The following EBF4 variants were observed in gnomAD, a reference collection of about 807,000 sequenced individuals.
EBF4 encodes the protein EBF transcription factor 4.
A neutral mutation model predicts 67.1 loss-of-function variants in EBF4; 34 were observed. That is an observed-to-expected ratio of 0.51 (90% CI 0.39 to 0.67). The LOEUF (loss-of-function observed/expected upper bound fraction) is 0.67, where lower values mean the gene tolerates loss of function less well. Among genes scored for constraint, EBF4 ranks in the 30% least tolerant of loss-of-function variants. The pLI is 0.00. For missense variants in EBF4, 837 were observed against 873.3 expected (o/e 0.96, Z 0.52); for synonymous variants, 387 against 377.7 (o/e 1.02, Z -0.29).
Position 2,709,922 on chromosome 20 carries a change from A to T in EBF4, c.557+280A>T, listed in dbSNP as rs1398550591. 2.1e-4 allele frequency among the ~76,000 whole-genome samples: 21 copies of T among 99,288 alleles called. No individual in the cohort carries two copies. In the East Asian group the frequency reaches 5.8e-3, roughly 27 times the overall value. 65.1% of individuals were successfully genotyped at this position (99,288 alleles called of 152,430 possible). ...CAGGGAGGTTGAGAGGGGGGTGGGA[A>T]GGGAGGGGAGGAACCAGCACTCAGG... On this transcript the variant is annotated intron_variant, in intron 6 of 16. Coordinates refer to ENST00000609451, the Ensembl canonical transcript of EBF4.
rs1436111869 is a variant in EBF4 at position 2,751,961 on chromosome 20, C to G, written c.1147C>G (p.Leu383Val). 7 of 1,548,842 alleles carry G rather than the reference C, an allele frequency of 4.5e-6. No individual in the cohort carries two copies. Among genetic ancestry groups the G allele is most frequent in the African/African-American group, 1.4e-5 (1 of 73,012 alleles). Reference sequence around the variant, plus strand: ...GCGGGCGGCCGACTTGGCAGAAGCCCTGTACGGAGTGCCCGGCAGTAACCA... The same window carrying G: ...GCGGGCGGCCGACTTGGCAGAAGCCGTGTACGGAGTGCCCGGCAGTAACCA... Residue 383 changes from leucine to valine, a missense_variant, in exon 12 of 17, where the codon CTG becomes GTG. By Grantham distance (32) the Leu-to-Val change is conservative. Transcript: ENST00000609451. The surrounding 1 kb of genome is among the most constrained non-coding windows in gnomAD (Gnocchi z 5.2).
intron 6 of EBF4, among the ~76,000 whole-genome samples, chr20:2,732,763 A>C (rs879313595): frequency 1.3e-5 from 2 of 152,078 alleles, no homozygotes; most frequent in African/African-American, 2.4e-5. Context: ...CTGATAGAAC[A>C]GGATTTATGT....
intron 6 of EBF4, among the ~76,000 whole-genome samples, chr20:2,730,572 G>A (rs1046759579): frequency 3.3e-5 from 5 of 152,174 alleles, no homozygotes; most frequent in African/African-American, 1.2e-4. Context: ...GGGGGTTGGG[G>A]TGAGGCAACA....
Position 2,693,773 on chromosome 20 carries a change from C to G in EBF4, c.128C>G (p.Ala43Gly). The change falls in exon 1 of 17, where the codon GCG (alanine) becomes GGG (glycine). Residue 43 changes from alanine (A) to glycine (G), a missense_variant. Ala to Gly is a moderately conservative substitution (Grantham distance 60). This residue lies in a region of EBF4 where 86 missense variants were observed against 70.3 expected (regional missense o/e 1.22). Coordinates refer to ENST00000609451, the Ensembl canonical transcript of EBF4. The surrounding 1 kb of genome is among the most constrained non-coding windows in gnomAD (Gnocchi z 4.6). ...GCGGGCATCCTGGACGCCAGCACCG[C>G]GGCGCAGAGGTAAGCGCTCGGACCG... is the stretch of plus-strand genomic sequence containing the variant. The G allele has an allele frequency of 7.5e-7, 1 of 1,333,336 alleles. No homozygotes were observed. Among genetic ancestry groups the G allele is most frequent in the Non-Finnish European group, 9.6e-7 (1 of 1,043,838 alleles). 82.6% of individuals were successfully genotyped at this position (1,333,336 alleles called of 1,614,324 possible). A position where few individuals can be genotyped will look rare whatever the true frequency, so the allele number is the denominator to read the frequency against.
intron 6 of EBF4, among the ~76,000 whole-genome samples, chr20:2,731,822 C>T (rs1396403405): frequency 6.6e-6 from 1 of 152,136 alleles, no homozygotes; most frequent in Non-Finnish European, 1.5e-5. Flanking sequence ...ACTTGATGGG[C>T]CTTGTGCTTC....
In EBF4 at chr20:2,749,537, G is replaced by T; in HGVS notation, c.757+19G>T. Reference sequence around the variant, plus strand: ...TCCGAAGGTCAGGACCCCCGGCCCAGCCCCGGCCGCCGCGGGCCCAGCCAG... The same window carrying T: ...TCCGAAGGTCAGGACCCCCGGCCCATCCCCGGCCGCCGCGGGCCCAGCCAG... On this transcript the variant is annotated intron_variant, in intron 8 of 16. Coordinates refer to ENST00000609451, the Ensembl canonical transcript of EBF4. 1.3e-6 allele frequency: 2 copies of T among 1,540,786 alleles called. No individual in the cohort carries two copies. Among genetic ancestry groups the T allele is most frequent in the East Asian group, 4.9e-5 (2 of 40,636 alleles).
rs1046121820 is a variant in EBF4, at chr20:2,737,048, G to A, written c.558-11501G>A. On this transcript the variant is annotated intron_variant, in intron 6 of 16. Transcript: ENST00000609451. ...GCAGATCACAAGGTCAGGAGATGGA[G>A]ACCATCCTGGCTAACACGGTGAAAC... 9.2e-5 allele frequency among the ~76,000 whole-genome samples: 14 copies of A among 152,160 alleles called. 1 individual carries two copies. The South Asian group carries it at 1.0e-3, about 11-fold the overall frequency.
chr20:2,735,932 A>C (rs1600229131), intron 6 of EBF4, among the ~76,000 whole-genome samples: 1 of 152,268 alleles, frequency 6.6e-6, no homozygotes, highest in African/African-American at 2.4e-5. Context: ...AGGCTTGAAG[A>C]CCACACTATC....
At chr20:2,737,029 C>T (rs1303843617) in intron 6 of EBF4, among the ~76,000 whole-genome samples, 2 of 151,940 alleles carry the variant, frequency 1.3e-5, no homozygotes, top group Non-Finnish European at 2.9e-5. Flanking sequence ...GTGGGCAGAT[C>T]ACAAGGTCAG....
exon 2 of EBF4, chr20:2,705,700 C>A (rs764741862): frequency 1.2e-5 from 19 of 1,551,524 alleles, no homozygotes; most frequent in Non-Finnish European, 1.7e-5. Context: ...AGGTGGAGCG[C>A]ACAGCCTTCA....
At chr20:2,698,128 G>C (rs894225200) in intron 1 of EBF4, among the ~76,000 whole-genome samples, 36 of 152,204 alleles carry the variant, frequency 2.4e-4, no homozygotes, top group Non-Finnish European at 5.9e-5. Context: ...AAAAGAAGAG[G>C]GGGAGAGCAG....
At position 2,751,957 on chromosome 20, in the gene EBF4, A is replaced by G; in HGVS notation, c.1143A>G (p.Glu381=). 6.5e-7 allele frequency: 1 copy of G among 1,548,994 alleles called. No individual in the cohort carries two copies. Among genetic ancestry groups the G allele is most frequent in the Non-Finnish European group, 8.7e-7 (1 of 1,146,732 alleles). The change falls in exon 12 of 17, where the codon GAA becomes GAG. Residue 381 remains glutamate (E), a synonymous_variant. Coordinates refer to ENST00000609451, the Ensembl canonical transcript of EBF4. The surrounding 1 kb of genome is among the most constrained non-coding windows in gnomAD (Gnocchi z 5.2). ...TGAAGCGGGCGGCCGACTTGGCAGA[A>G]GCCCTGTACGGAGTGCCCGGCAGTA...
chr20:2,753,395 C>T lies in EBF4; in HGVS notation c.1540+850C>T, dbSNP rs1359886656. 2.0e-5 allele frequency among the ~76,000 whole-genome samples: 3 copies of T among 152,212 alleles called. No individual in the cohort carries two copies. In the East Asian group the frequency reaches 5.8e-4, roughly 29 times the overall value. On this transcript the variant is annotated intron_variant, in intron 14 of 16. Transcript: ENST00000609451. ...TTGATGCCTTGTCATTTTACACTGC[C>T]CTCAAGACTCTTCCATCATCAAGTT...
At chr20:2,705,331 G>A (rs1224468799) in intron 1 of EBF4, among the ~76,000 whole-genome samples, 1 of 152,192 alleles carries the variant, frequency 6.6e-6, no homozygotes, top group East Asian at 1.9e-4. Flanking sequence ...CTCCTCCTTT[G>A]CAGTCACCAC....
At position 2,751,917 on chromosome 20, in the gene EBF4, C is replaced by T; in HGVS notation, c.1108-5C>T. ...CCGTCCCGCTGTCTCTCCCCCTGTC[C>T]CCAGGAAGTGCTGCTGAAGCGGGCG... On this transcript the variant is annotated splice_region_variant and splice_polypyrimidine_tract_variant and intron_variant, in intron 11 of 16. Coordinates refer to ENST00000609451, the Ensembl canonical transcript of EBF4. The surrounding 1 kb of genome is among the most constrained non-coding windows in gnomAD (Gnocchi z 5.2). 1.3e-6 allele frequency: 2 copies of T among 1,549,442 alleles called. No homozygotes were observed. The highest frequency in any genetic ancestry group is 1.7e-6 in the Non-Finnish European group (2 of 1,146,818).
chr20:2,758,880 T>A (rs1439305878), intron 15 of EBF4, 29 bp from the exon 16 acceptor site: 1 of 1,550,186 alleles, frequency 6.5e-7, no homozygotes, highest in South Asian at 1.2e-5. Flanking sequence ...GCACATGGCT[T>A]ATGGCTCCTT....
At chr20:2,758,016 C>A (rs1469963817) in intron 15 of EBF4, among the ~76,000 whole-genome samples, 1 of 152,194 alleles carries the variant, frequency 6.6e-6, no homozygotes. Flanking sequence ...TTTAACTCAT[C>A]AGTGAGGGAG....
chr20:2,706,505 C>T (rs1452284278), intron 4 of EBF4, among the ~76,000 whole-genome samples: 4 of 152,144 alleles, frequency 2.6e-5, no homozygotes, highest in South Asian at 2.1e-4. Context: ...CCTAGCAGCC[C>T]AGCCTTAGAT....
chr20:2,755,358 C>T lies in EBF4; in HGVS notation c.1541-269C>T, dbSNP rs910659817. ...TCTCATTTTTGGGGGGTACCTCCCA[C>T]TGTTTGTTTTTTTTGAATGTTCTGG... On this transcript the variant is annotated intron_variant, in intron 14 of 16. Transcript: ENST00000609451. The surrounding 1 kb of genome is among the most constrained non-coding windows in gnomAD (Gnocchi z 4.7). The T allele has an allele frequency of 8.3e-6, 4 of 483,340 alleles. No individual in the cohort carries two copies. The highest frequency in any genetic ancestry group is 1.5e-5 in the Non-Finnish European group (4 of 273,636). 29.9% of individuals were successfully genotyped at this position (483,340 alleles called of 1,614,324 possible). A position where few individuals can be genotyped will look rare whatever the true frequency, so the allele number is the denominator to read the frequency against.
Sources: allele counts gnomAD v4.1 joint callset (sites outside exome capture counted in the v4.1 genomes callset), GRCh38; gene constraint gnomAD v4.1.1; regional missense constraint gnomAD v4.1.1; non-coding constraint Gnocchi (gnomAD v3.1); transcripts MANE v1.5; gene names NCBI Gene and HGNC (gene_info 2026-07-23, HGNC 2026-07-21).